TACR3: variants seen among roughly 807,000 people sequenced by gnomAD.
TACR3 encodes the protein neuromedin-K receptor.
Under a neutral mutation model 35.0 loss-of-function variants are expected in TACR3, and 34 were observed. The ratio of observed to expected loss-of-function variants is 0.97; its 90% confidence interval spans 0.74 to 1.30. The LOEUF is 1.30. Ranked by LOEUF, TACR3 falls within the 50% of genes most tolerant of loss-of-function variation. The probability of loss-of-function intolerance (pLI) is 0.00; values close to 1 mark genes in which losing one functional copy is unlikely to be tolerated. For synonymous variants in TACR3, 233 were observed against 221.1 expected (o/e 1.05, Z -0.48); for missense variants, 558 against 591.7 (o/e 0.94, Z 0.59).
intron 4 of TACR3, 167 bp downstream of exon 4, chr4:103,591,320 T>C: frequency 1.4e-6 from 1 of 720,038 alleles, no homozygotes; most frequent in East Asian, 2.7e-5. Context: ...CTTTATAAAG[T>C]GTGTATGGGG....
At chr4:103,593,537 C>A (rs1723939669) in intron 3 of TACR3, 1 of 152,038 alleles carries the variant, frequency 6.6e-6, no homozygotes. Context: ...ACTGTAGGCT[C>A]AGAGGATATT....
At chr4:103,707,532 T>G (rs1229407600) in intron 1 of TACR3, among the ~76,000 whole-genome samples, 1 of 152,146 alleles carries the variant, frequency 6.6e-6, no homozygotes, top group Non-Finnish European at 1.5e-5. Context: ...AGTTCCAAGA[T>G]GGCCAAATAG....
intron 3 of TACR3, among the ~76,000 whole-genome samples, chr4:103,629,042 A>G (rs1334808139): frequency 1.3e-5 from 2 of 152,186 alleles, no homozygotes; most frequent in Non-Finnish European, 2.9e-5. Flanking sequence ...CAAAAACCAC[A>G]TGATTATCTC....
At chr4:103,591,436 C>T (rs776098276) in intron 4 of TACR3, 51 bp downstream of exon 4, 2 of 1,592,262 alleles carry the variant, frequency 1.3e-6, no homozygotes, top group East Asian at 4.5e-5. Context: ...TGTATGTTTC[C>T]AGTGAAGGTG....
At chr4:103,718,553 G>A (rs1403158214) in intron 1 of TACR3, among the ~76,000 whole-genome samples, 1 of 152,218 alleles carries the variant, frequency 6.6e-6, no homozygotes, top group East Asian at 1.9e-4. Context: ...CTAGTTTACA[G>A]TAGTTTTTTG....
chr4:103,679,625 T>C (rs1337869451), intron 1 of TACR3, among the ~76,000 whole-genome samples: 1 of 151,942 alleles, frequency 6.6e-6, no homozygotes, highest in Admixed American at 6.6e-5. Flanking sequence ...GGAGATGGTA[T>C]GAATCCTTTT....
intron 1 of TACR3, among the ~76,000 whole-genome samples, chr4:103,674,715 CTAA>C (rs1726129381): frequency 6.6e-6 from 1 of 152,120 alleles, no homozygotes; most frequent in African/African-American, 2.4e-5. Context: ...CCACGCCTGG[CTAA>C]TTTTTGTACT....
intron 1 of TACR3, among the ~76,000 whole-genome samples, chr4:103,695,470 G>T (rs1722502260): frequency 6.6e-6 from 1 of 152,012 alleles, no homozygotes. Context: ...TCTTCCTTAT[G>T]ATTTTCTTAA....
intron 1 of TACR3, among the ~76,000 whole-genome samples, chr4:103,678,285 G>GCAGTGC (rs1212016672): frequency 7.2e-5 from 11 of 152,044 alleles, no homozygotes; most frequent in Non-Finnish European, 1.6e-4. Context: ...GTAGCTTGTG[G>GCAGTGC]CAGTGCCAGT....
At chr4:103,664,280 CT>C (rs1725892991) in intron 1 of TACR3, among the ~76,000 whole-genome samples, 1 of 152,118 alleles carries the variant, frequency 6.6e-6, no homozygotes, top group South Asian at 2.1e-4. Flanking sequence ...TACTTATTGT[CT>C]TTTGAAAGGC....
At chr4:103,634,609 C>CA (rs1164299558) in intron 3 of TACR3, among the ~76,000 whole-genome samples, 13 of 152,222 alleles carry the variant, frequency 8.5e-5, no homozygotes, top group African/African-American at 3.1e-4. Context: ...CCTCTTGCTG[C>CA]ATATGAACTA....
chr4:103,674,861 A>C (rs1170990325), intron 1 of TACR3, among the ~76,000 whole-genome samples: 2 of 152,120 alleles, frequency 1.3e-5, no homozygotes, highest in Non-Finnish European at 2.9e-5. Flanking sequence ...ACATGTTTTA[A>C]TTGGTACTGC....
At chr4:103,713,338 T>C (rs903630974) in intron 1 of TACR3, among the ~76,000 whole-genome samples, 7 of 151,862 alleles carry the variant, frequency 4.6e-5, no homozygotes, top group Non-Finnish European at 1.0e-4. Context: ...TGGATGAAGC[T>C]GGAAACCATC....
chr4:103,596,930 C>T (rs562983065), intron 3 of TACR3, among the ~76,000 whole-genome samples: 1 of 151,998 alleles, frequency 6.6e-6, no homozygotes, highest in East Asian at 1.9e-4. Flanking sequence ...AGGACACGAA[C>T]TCATCATTTT....
At chr4:103,686,345 G>A (rs1440408805) in intron 1 of TACR3, among the ~76,000 whole-genome samples, 1 of 152,094 alleles carries the variant, frequency 6.6e-6, no homozygotes, top group Non-Finnish European at 1.5e-5. Flanking sequence ...CACAACCGCT[G>A]ACCAGTTATT....
At chr4:103,706,958 T>C (rs1446112440) in intron 1 of TACR3, among the ~76,000 whole-genome samples, 1 of 152,180 alleles carries the variant, frequency 6.6e-6, no homozygotes, top group African/African-American at 2.4e-5. Context: ...TGCTTTATCC[T>C]TTCTTGCAGT....
At chr4:103,689,728 A>C (rs78788202) in intron 1 of TACR3, among the ~76,000 whole-genome samples, 23,049 of 152,044 alleles carry the variant, frequency 0.15, 2,271 homozygotes, top group East Asian at 0.43. Context: ...AAGCATATGC[A>C]TGATGGGAGT....
chr4:103,690,912 T>A (rs559821594), intron 1 of TACR3, among the ~76,000 whole-genome samples: 2 of 152,152 alleles, frequency 1.3e-5, no homozygotes, highest in Non-Finnish European at 2.9e-5. Flanking sequence ...TAAAAAATTA[T>A]GTCACACGCA....
intron 3 of TACR3, among the ~76,000 whole-genome samples, chr4:103,610,967 G>T (rs1454457287): frequency 6.6e-6 from 1 of 152,020 alleles, no homozygotes; most frequent in Admixed American, 6.6e-5. Flanking sequence ...TCTCTAATCT[G>T]TTCCATCGGT....
Sources: allele counts gnomAD v4.1 joint callset (sites outside exome capture counted in the v4.1 genomes callset), GRCh38; gene constraint gnomAD v4.1.1; transcripts MANE v1.5; gene names NCBI Gene and HGNC (gene_info 2026-07-23, HGNC 2026-07-21).